Variants in SARDH observed in about 807,000 individuals in gnomAD.
The protein encoded by SARDH is sarcosine dehydrogenase, mitochondrial.
SARDH carries 95 observed loss-of-function variants against 109.1 expected under a neutral mutation model. The observed-to-expected ratio is 0.87, with a 90% CI of 0.74 to 1.03. The LOEUF is 1.03. Among genes scored for constraint, SARDH ranks in the 50% least tolerant of loss-of-function variants. SARDH has a pLI of 0.00. For missense variants in SARDH, 1,267 were observed against 1,287.8 expected (o/e 0.98, Z 0.25); for synonymous variants, 572 against 534.8 (o/e 1.07, Z -0.96).
intron 14 of SARDH, among the ~76,000 whole-genome samples, chr9:133,695,515 G>C (rs1831252516): frequency 6.6e-6 from 1 of 152,216 alleles, no homozygotes; most frequent in African/African-American, 2.4e-5. Context: ...CAGTGACGCA[G>C]CTGCATGCCG....
At position 133,713,088 on chromosome 9, in the gene SARDH, T is replaced by C; in HGVS notation, c.1187A>G (p.Glu396Gly). ...FTPDHKPLMG[E>G]APELRGFFLG... ...GAAGAACCCTCGGAGCTCAGGTGCC[T>C]CCCCCATCAGGGGCTTGTGGTCGGG... The change falls in exon 9 of 21, where the codon GAG (glutamate) becomes GGG (glycine). Residue 396 changes from glutamate to glycine, a missense_variant. Glu to Gly is a moderately conservative substitution (Grantham distance 98). Transcript: ENST00000439388. The C allele has an allele frequency of 6.2e-7, 1 of 1,613,348 alleles. No homozygotes were observed. The highest frequency in any genetic ancestry group is 8.5e-7 in the Non-Finnish European group (1 of 1,179,930).
chr9:133,725,531 C>G, intron 6 of SARDH: 1 of 438,692 alleles, frequency 2.3e-6, no homozygotes, highest in South Asian at 1.6e-5. Context: ...AAAAAATCAG[C>G]CGGGTGTGGT....
intron 15 of SARDH, 138 bp downstream of exon 15, chr9:133,694,120 C>T: frequency 1.5e-6 from 1 of 652,434 alleles, no homozygotes; most frequent in Non-Finnish European, 2.6e-6. Context: ...AATCTCCCAG[C>T]TCTGACCACA....
rs74903715 is a variant in SARDH, at chr9:133,703,328, T to C, written c.1555-299A>G. The C allele has an allele frequency of 1.5e-3, 657 of 425,462 alleles. 7 individuals carry two copies. Among genetic ancestry groups the C allele is most frequent in the African/African-American group, 0.012 (600 of 50,422 alleles). The allele number at this position is 425,462 out of a possible 1,614,324, so 26.4% of individuals were successfully genotyped here. On this transcript the variant is annotated intron_variant, in intron 12 of 20. Coordinates refer to ENST00000439388, the MANE Select transcript of SARDH (RefSeq NM_001134707.2). Reference sequence around the variant, plus strand: ...GTGGGGAACGACAGGGAGAGGTGGTTACCCAGGACCTCAGCCAGGGCTGCT... The same window carrying C: ...GTGGGGAACGACAGGGAGAGGTGGTCACCCAGGACCTCAGCCAGGGCTGCT...
intron 8 of SARDH, among the ~76,000 whole-genome samples, chr9:133,716,066 C>A (rs1410102463): frequency 6.6e-6 from 1 of 152,232 alleles, no homozygotes; most frequent in Non-Finnish European, 1.5e-5. Flanking sequence ...CCACCTGGTG[C>A]TCCCCTGCTC....
intron 17 of SARDH, among the ~76,000 whole-genome samples, chr9:133,684,847 A>T (rs1286454524): frequency 6.6e-6 from 1 of 152,178 alleles, no homozygotes; most frequent in Non-Finnish European, 1.5e-5. Flanking sequence ...CCAGGAGGTC[A>T]CTTGGCCTCG....
At chr9:133,665,060 C>G (rs977343042) in intron 20 of SARDH, among the ~76,000 whole-genome samples, 2 of 152,144 alleles carry the variant, frequency 1.3e-5, no homozygotes, top group African/African-American at 4.8e-5. Context: ...ACAACCAGCT[C>G]TGGGGTGAGG....
intron 6 of SARDH, among the ~76,000 whole-genome samples, chr9:133,729,345 T>C (rs1365807417): frequency 6.6e-6 from 1 of 151,994 alleles, no homozygotes; most frequent in Non-Finnish European, 1.5e-5. Flanking sequence ...GGCAGAAGGC[T>C]CTCAGGGAGG....
chr9:133,679,792 C>T (rs1284094300), intron 17 of SARDH, among the ~76,000 whole-genome samples: 1 of 152,266 alleles, frequency 6.6e-6, no homozygotes, highest in Non-Finnish European at 1.5e-5. Context: ...CAGTGCTCAG[C>T]TGGGAATCGC....
At position 133,712,883 on chromosome 9, in the gene SARDH, G is replaced by T; in HGVS notation, c.1237+155C>A. On this transcript the variant is annotated intron_variant, in intron 9 of 20. Coordinates refer to ENST00000439388, the MANE Select transcript of SARDH (RefSeq NM_001134707.2). The surrounding 1 kb of genome is among the most constrained non-coding windows in gnomAD (Gnocchi z 4.1). Reference sequence around the variant, plus strand: ...TGCTGGACTGGACCCTGGCACAGGTGCACTCTCTGGGAAGCAGAAGGGGCT... The same window carrying T: ...TGCTGGACTGGACCCTGGCACAGGTTCACTCTCTGGGAAGCAGAAGGGGCT... 1 of 935,888 alleles carries T rather than the reference G, an allele frequency of 1.1e-6. No homozygotes were observed. The highest frequency in any genetic ancestry group is 1.6e-6 in the Non-Finnish European group (1 of 613,964). 58.0% of individuals were successfully genotyped at this position (935,888 alleles called of 1,614,324 possible).
In SARDH at chr9:133,709,701, C is replaced by T. The variant is rs937434873; in HGVS notation, c.1329-1273G>A. Reference sequence around the variant, plus strand: ...TGCTGTCGCTTATGGCACCCAGCTCCAGTGCAGGCTCAGAGCTGAGTGCTG... The same window carrying T: ...TGCTGTCGCTTATGGCACCCAGCTCTAGTGCAGGCTCAGAGCTGAGTGCTG... On this transcript the variant is annotated intron_variant, in intron 10 of 20. Transcript: ENST00000439388. This position sits in a 1 kb window ranked among gnomAD's most constrained non-coding sequence, Gnocchi z 4.2. 2.0e-5 allele frequency among the ~76,000 whole-genome samples: 3 copies of T among 152,190 alleles called. No homozygotes were observed. Among genetic ancestry groups the T allele is most frequent in the African/African-American group, 4.8e-5 (2 of 41,442 alleles).
rs201835196 is a variant in SARDH, at chr9:133,732,608, G to A, written c.332-7C>T. ...CGCAGCTGCCACAGCAGGCCTGCCC[G>A]GGAGGGTGGGTGCCATCACTCCCCA... is the stretch of plus-strand genomic sequence containing the variant. On this transcript the variant is annotated splice_polypyrimidine_tract_variant and splice_region_variant and intron_variant, in intron 2 of 20. Coordinates refer to ENST00000439388, the MANE Select transcript of SARDH (RefSeq NM_001134707.2). 1.7e-3 allele frequency: 2,731 copies of A among 1,595,580 alleles called. 76 individuals carry two copies. In the South Asian group the frequency reaches 0.029, roughly 17 times the overall value.
chr9:133,676,118 A>G (rs1246263173), intron 17 of SARDH, among the ~76,000 whole-genome samples: 2 of 152,046 alleles, frequency 1.3e-5, no homozygotes, highest in Non-Finnish European at 2.9e-5. Flanking sequence ...ACACACCAAA[A>G]ACAGATGATG....
At chr9:133,696,140 G>A (rs1057282713) in intron 14 of SARDH, 83 bp downstream of exon 14, 6 of 1,557,826 alleles carry the variant, frequency 3.9e-6, no homozygotes, top group Non-Finnish European at 5.2e-6. Context: ...CGAGGGGACA[G>A]GGTGGCTTGC....
chr9:133,690,998 G>A (rs1248230572), intron 15 of SARDH, among the ~76,000 whole-genome samples: 1 of 152,132 alleles, frequency 6.6e-6, no homozygotes, highest in Admixed American at 6.5e-5. Context: ...CCCCAGGCAG[G>A]CCCCAGCCAG....
chr9:133,683,416 G>GC (rs1564247345), intron 17 of SARDH, among the ~76,000 whole-genome samples: 1 of 152,250 alleles, frequency 6.6e-6, no homozygotes, highest in Non-Finnish European at 1.5e-5. Context: ...AGAACCCGCA[G>GC]CCCCCCTCCC....
intron 13 of SARDH, among the ~76,000 whole-genome samples, chr9:133,697,339 T>C (rs988329369): frequency 6.6e-6 from 1 of 152,178 alleles, no homozygotes; most frequent in African/African-American, 2.4e-5. Context: ...CCTGATGAAT[T>C]TTACCAAACA....
chr9:133,710,069 C>G (rs1433557747), intron 10 of SARDH, among the ~76,000 whole-genome samples: 1 of 152,184 alleles, frequency 6.6e-6, no homozygotes, highest in Non-Finnish European at 1.5e-5. Flanking sequence ...CCAGACCACC[C>G]TTTTCACTTA....
chr9:133,683,753 T>C (rs1373293134), intron 17 of SARDH, among the ~76,000 whole-genome samples: 1 of 152,160 alleles, frequency 6.6e-6, no homozygotes, highest in Non-Finnish European at 1.5e-5. Flanking sequence ...AGAACCCAGA[T>C]TTGTCCCCCA....
Sources: allele counts gnomAD v4.1 joint callset (sites outside exome capture counted in the v4.1 genomes callset), GRCh38; gene constraint gnomAD v4.1.1; non-coding constraint Gnocchi (gnomAD v3.1); transcripts MANE v1.5; gene names NCBI Gene and HGNC (gene_info 2026-07-23, HGNC 2026-07-21).